The following NALCN variants were observed in gnomAD, a reference collection of about 807,000 sequenced individuals.
NALCN encodes the protein sodium leak channel, non-selective.
NALCN carries 111 observed loss-of-function variants against 225.3 expected under a neutral mutation model. The ratio of observed to expected loss-of-function variants is 0.49; its 90% CI spans 0.42 to 0.58. The LOEUF (loss-of-function observed/expected upper bound fraction) is 0.58. NALCN is among the 20% of genes least tolerant of loss of function. The pLI, the probability that NALCN is intolerant of heterozygous loss-of-function variation, is 0.00. For missense variants in NALCN, 1,378 were observed against 2,202.4 expected (o/e 0.63, Z 7.49); for synonymous variants, 764 against 769.0 (o/e 0.99, Z 0.11).
At chr13:101,125,326 A>G (rs149518481) in intron 17 of NALCN, among the ~76,000 whole-genome samples, 1 of 152,158 alleles carries the variant, frequency 6.6e-6, no homozygotes, top group African/African-American at 2.4e-5. Flanking sequence ...AAGAGAAAAC[A>G]GGCAAATGGG....
chr13:101,116,487 T>G (rs2035718458), intron 18 of NALCN: 1 of 516,646 alleles, frequency 1.9e-6, no homozygotes, highest in Non-Finnish European at 3.9e-6. Flanking sequence ...ACACCACTAG[T>G]TGTTTATAGA....
At chr13:101,095,777 CA>C (rs1594193602) in intron 27 of NALCN, 97 bp from the exon 28 acceptor site, 1 of 1,024,184 alleles carries the variant, frequency 9.8e-7, no homozygotes, top group East Asian at 2.5e-5. Context: ...CACGGAATCC[CA>C]AAAGCCCTTT....
chr13:101,123,430 T>C (rs2036075469), intron 18 of NALCN, among the ~76,000 whole-genome samples: 1 of 152,192 alleles, frequency 6.6e-6, no homozygotes. Flanking sequence ...TGATGTAACA[T>C]GTGTGGTTCA....
chr13:101,389,073 G>C (rs527509668), intron 3 of NALCN, among the ~76,000 whole-genome samples: 2 of 152,202 alleles, frequency 1.3e-5, no homozygotes, highest in Non-Finnish European at 2.9e-5. Flanking sequence ...CCTGAGACAG[G>C]TTCCAGTTTT....
intron 13 of NALCN, among the ~76,000 whole-genome samples, chr13:101,211,022 G>A (rs1383133075): frequency 3.9e-5 from 6 of 152,022 alleles, no homozygotes; most frequent in Admixed American, 2.0e-4. Context: ...ATGCAGTAGA[G>A]CTAAAAGGCA....
chr13:101,374,473 GA>G (rs766299019), intron 6 of NALCN, among the ~76,000 whole-genome samples: 142 of 151,982 alleles, frequency 9.3e-4, no homozygotes, highest in Middle Eastern at 3.4e-3. Flanking sequence ...TTTTAGTAGA[GA>G]GGGGGTTTCA....
At position 101,326,938 on chromosome 13, in the gene NALCN, C is replaced by T. The variant is rs896988544; in HGVS notation, c.799+18328G>A. ...GCTAGACTGGGCTTCTCTCCATGGTCATCTTAGGGCAGTACTCAGATAAAC... is the reference window on the plus strand; with the variant it reads ...GCTAGACTGGGCTTCTCTCCATGGTTATCTTAGGGCAGTACTCAGATAAAC... On this transcript the variant is annotated intron_variant, in intron 7 of 43. Coordinates refer to ENST00000251127, the MANE Select transcript of NALCN (RefSeq NM_052867.4). Among the ~76,000 whole-genome samples the T allele has an allele frequency of 3.9e-5, 6 of 152,146 alleles. No homozygotes were observed. The East Asian group carries it at 1.2e-3, about 29-fold the overall frequency.
Position 101,107,535 on chromosome 13 carries a change from T to C in NALCN, c.2531A>G (p.His844Arg). The change falls in exon 22 of 44, where the codon CAC (histidine) becomes CGC (arginine). Residue 844 changes from histidine (H) to arginine (R), a missense_variant. By Grantham distance (29) the His-to-Arg change is conservative (BLOSUM62 0). Around this residue, in one of 19 missense-constraint regions of NALCN, gnomAD observed 292 missense variants for 409.5 expected, o/e 0.71. Transcript: ENST00000251127. ...DKPLFIVGRE[H>R]RFRNFCRVVV... ...CACCCGGCAAAAGTTTCTGAACCTG[T>C]GTTCTCGCCCGACAATGAACAGTGG... The C allele has an allele frequency of 6.2e-7, 1 of 1,614,152 alleles. No individual in the cohort carries two copies. Among genetic ancestry groups the C allele is most frequent in the Non-Finnish European group, 8.5e-7 (1 of 1,179,994 alleles).
chr13:101,293,371 A>C (rs2043620133), intron 7 of NALCN, among the ~76,000 whole-genome samples: 1 of 152,230 alleles, frequency 6.6e-6, no homozygotes, highest in African/African-American at 2.4e-5. Flanking sequence ...ATGACTATAA[A>C]ATTGAAAATA....
At chr13:101,266,566 C>A (rs991153431) in intron 10 of NALCN, among the ~76,000 whole-genome samples, 1 of 152,142 alleles carries the variant, frequency 6.6e-6, no homozygotes, top group Non-Finnish European at 1.5e-5. Flanking sequence ...CTTTAAATTG[C>A]TGCTTGAGTG....
At chr13:101,165,720 C>T (rs1176754922) in intron 15 of NALCN, among the ~76,000 whole-genome samples, 1 of 152,234 alleles carries the variant, frequency 6.6e-6, no homozygotes, top group African/African-American at 2.4e-5. Flanking sequence ...AAACAATGTG[C>T]TTACCTCGGC....
At position 101,182,694 on chromosome 13, in the gene NALCN, GAT is replaced by G. The variant is rs143153444; in HGVS notation, c.1765-6322_1765-6321del. Among the ~76,000 whole-genome samples, 778 of 152,256 alleles carry G rather than the reference GAT, an allele frequency of 5.1e-3. 6 individuals are homozygous for G. Among genetic ancestry groups the G allele is most frequent in the African/African-American group, 0.018 (734 of 41,552 alleles). On this transcript the variant is annotated intron_variant, in intron 14 of 43. Coordinates refer to ENST00000251127, the MANE Select transcript of NALCN (RefSeq NM_052867.4). ...CTGTCCCTGGCATGTAGGGCACTGT[GAT>G]AAGGTGGCAACTGGCACTCCGGGTG... is the stretch of plus-strand genomic sequence containing the variant.
intron 43 of NALCN, chr13:101,057,687 T>G: frequency 2.0e-6 from 1 of 488,618 alleles, no homozygotes; most frequent in Non-Finnish European, 3.7e-6. Flanking sequence ...TCTTGTCTTT[T>G]TCATAGGTGC....
At chr13:101,273,802 G>T (rs750790845) in intron 10 of NALCN, among the ~76,000 whole-genome samples, 17 of 150,364 alleles carry the variant, frequency 1.1e-4, no homozygotes, top group Admixed American at 1.0e-3. Flanking sequence ...GGAGAATGGC[G>T]TGAACCCAGG....
chr13:101,121,758 G>A (rs2035985277), intron 18 of NALCN, among the ~76,000 whole-genome samples: 1 of 152,050 alleles, frequency 6.6e-6, no homozygotes, highest in Non-Finnish European at 1.5e-5. Flanking sequence ...AATGCAAATG[G>A]TCCTGGGAGA....
intron 15 of NALCN, among the ~76,000 whole-genome samples, chr13:101,167,098 C>T (rs532688137): frequency 1.2e-4 from 19 of 152,292 alleles, no homozygotes; most frequent in African/African-American, 4.6e-4. Flanking sequence ...GCCAGTATCA[C>T]ACTGTTTTGA....
chr13:101,060,099 T>C (rs1403543288), intron 41 of NALCN, 132 bp from the exon 42 acceptor site: 2 of 1,032,412 alleles, frequency 1.9e-6, no homozygotes, highest in South Asian at 1.6e-5. Context: ...AATTTCCAAG[T>C]AAGGATCCTG....
intron 4 of NALCN, among the ~76,000 whole-genome samples, chr13:101,378,292 G>T (rs1214530722): frequency 6.6e-6 from 1 of 152,046 alleles, no homozygotes; most frequent in Non-Finnish European, 1.5e-5. Context: ...TAATTATGCA[G>T]ATTTGATCAT....
At chr13:101,140,220 A>G (rs2037002298) in intron 17 of NALCN, among the ~76,000 whole-genome samples, 1 of 152,174 alleles carries the variant, frequency 6.6e-6, no homozygotes, top group Non-Finnish European at 1.5e-5. Context: ...AAAACGTGTT[A>G]TTCCAACTGT....
Sources: gnomAD v4.1 joint callset for allele counts (sites outside exome capture counted in the v4.1 genomes callset) on GRCh38, gnomAD v4.1.1 for gene constraint, gnomAD v4.1.1 regional missense constraint, MANE v1.5 for transcripts, NCBI Gene and HGNC (gene_info 2026-07-23, HGNC 2026-07-21) for gene names.